The following ECT2L variants were observed in gnomAD, a reference collection of about 807,000 sequenced individuals.
ECT2L encodes the protein epithelial cell transforming 2 like.
ECT2L carries 126 observed loss-of-function variants against 122.8 expected under a neutral mutation model. The observed-to-expected ratio is 1.03, with a 90% CI of 0.89 to 1.19. The LOEUF is 1.19. Ranked by LOEUF, ECT2L falls within the 50% of genes most tolerant of loss-of-function variation. The probability of loss-of-function intolerance (pLI) is 0.00; values close to 1 mark genes in which losing one functional copy is unlikely to be tolerated. For missense variants in ECT2L, 1,012 were observed against 1,064.1 expected (o/e 0.95, Z 0.68); for synonymous variants, 385 against 381.8 (o/e 1.01, Z -0.10).
At chr6:138,899,232 C>T (rs1489104894) in intron 20 of ECT2L, among the ~76,000 whole-genome samples, 2 of 151,870 alleles carry the variant, frequency 1.3e-5, no homozygotes, top group Non-Finnish European at 2.9e-5. Flanking sequence ...AAATGTCCAT[C>T]AAAGGAGAAC....
intron 20 of ECT2L, among the ~76,000 whole-genome samples, chr6:138,893,457 T>C (rs112148606): frequency 2.0e-5 from 3 of 152,126 alleles, no homozygotes; most frequent in African/African-American, 7.2e-5. Flanking sequence ...GTCTCACTCT[T>C]TCACCCAGAC....
At chr6:138,816,183 G>A (rs145223034) in intron 4 of ECT2L, among the ~76,000 whole-genome samples, 1 of 152,300 alleles carries the variant, frequency 6.6e-6, no homozygotes, top group Non-Finnish European at 1.5e-5. Flanking sequence ...ACCACTTTGT[G>A]CATCATGTTC....
At chr6:138,902,224 T>C (rs1184009220) in intron 21 of ECT2L, among the ~76,000 whole-genome samples, 2 of 152,240 alleles carry the variant, frequency 1.3e-5, no homozygotes, top group Non-Finnish European at 2.9e-5. Context: ...CAGTTCCTTC[T>C]GGAGTGATTG....
In ECT2L at chr6:138,838,507, C is replaced by G. The variant is rs777922360; in HGVS notation, c.335C>G (p.Thr112Ser). 8.7e-6 allele frequency: 14 copies of G among 1,611,578 alleles called. No individual in the cohort carries two copies. The Admixed American group carries it at 2.4e-4, about 27-fold the overall frequency. Residue 112 changes from threonine (T) to serine (S), a missense_variant, in exon 5 of 22, where the codon ACT (threonine) becomes AGT (serine). By Grantham distance (58) the Thr-to-Ser change is moderately conservative. Coordinates refer to ENST00000541398, the MANE Select transcript of ECT2L (RefSeq NM_001077706.3). ...GTCAGCTGGCCCTGGAAGTTTTTAACTGAACAGGTTTACTATTTGCCACTT... is the reference window on the plus strand; with the variant it reads ...GTCAGCTGGCCCTGGAAGTTTTTAAGTGAACAGGTTTACTATTTGCCACTT... ...AQVSWPWKFL[T>S]EQDCLWMPKC...
intron 15 of ECT2L, 31 bp downstream of exon 15, chr6:138,881,202 T>C (rs760430673): frequency 1.9e-6 from 3 of 1,588,598 alleles, no homozygotes; most frequent in Non-Finnish European, 2.6e-6. Context: ...TTTTTTAATA[T>C]TCATTGTGCA....
chr6:138,864,446 C>T (rs998593172), intron 11 of ECT2L, among the ~76,000 whole-genome samples: 6 of 152,274 alleles, frequency 3.9e-5, no homozygotes, highest in African/African-American at 9.6e-5. Context: ...CTGCATCATC[C>T]AGTAATTGTT....
intron 4 of ECT2L, among the ~76,000 whole-genome samples, chr6:138,829,785 C>T (rs1292406621): frequency 6.6e-6 from 1 of 151,720 alleles, no homozygotes; most frequent in Non-Finnish European, 1.5e-5. Flanking sequence ...TGCAGTGGCA[C>T]GATCTCAGTT....
intron 9 of ECT2L, among the ~76,000 whole-genome samples, chr6:138,853,055 C>T (rs1009921928): frequency 6.6e-6 from 1 of 152,158 alleles, no homozygotes; most frequent in African/African-American, 2.4e-5. Context: ...GCAACCTCCA[C>T]CTCCTGGGTT....
chr6:138,885,456 A>C (rs750729049), intron 16 of ECT2L, 50 bp from the exon 17 acceptor site: 1 of 1,576,334 alleles, frequency 6.3e-7, no homozygotes, highest in Non-Finnish European at 8.7e-7. Context: ...GGAACAGTGG[A>C]CTTTACAACT....
chr6:138,833,295 C>T (rs1776713049), intron 4 of ECT2L, among the ~76,000 whole-genome samples: 1 of 152,212 alleles, frequency 6.6e-6, no homozygotes, highest in African/African-American at 2.4e-5. Flanking sequence ...TATGCCATAA[C>T]TTATCTCAGA....
At position 138,801,741 on chromosome 6, in the gene ECT2L, C is replaced by T. The variant is rs563643547; in HGVS notation, c.-244+5549C>T. Reference sequence around the variant, plus strand: ...CTGCACTCCAGTCTGGGTGACAGAGCGAGACTCTGTCTCAAAAAAGAAAAA... The same window carrying T: ...CTGCACTCCAGTCTGGGTGACAGAGTGAGACTCTGTCTCAAAAAAGAAAAA... On this transcript the variant is annotated intron_variant, in intron 1 of 21. Coordinates refer to ENST00000541398, the MANE Select transcript of ECT2L (RefSeq NM_001077706.3). Among the ~76,000 whole-genome samples the T allele has an allele frequency of 9.9e-5, 15 of 151,582 alleles. No homozygotes were observed. The South Asian group carries it at 2.7e-3, about 27-fold the overall frequency.
chr6:138,884,427 C>G (rs570110724), intron 16 of ECT2L, among the ~76,000 whole-genome samples: 1 of 152,174 alleles, frequency 6.6e-6, no homozygotes, highest in African/African-American at 2.4e-5. Context: ...CATCTGAGGT[C>G]AGGAGTTCGA....
intron 20 of ECT2L, among the ~76,000 whole-genome samples, chr6:138,891,223 T>C (rs1001651294): frequency 1.3e-5 from 2 of 152,208 alleles, no homozygotes; most frequent in Non-Finnish European, 2.9e-5. Flanking sequence ...TAGTATCACA[T>C]GGCAGATAGC....
rs532479124 is a variant in ECT2L at position 138,799,394 on chromosome 6, C to T, written c.-244+3202C>T. On this transcript the variant is annotated intron_variant, in intron 1 of 21. Coordinates refer to ENST00000541398, the MANE Select transcript of ECT2L (RefSeq NM_001077706.3). Reference sequence around the variant, plus strand: ...TCAGCCTCCGGAGTAGCTGGGACTACAGGCACCCGCCACCACGCCCGGCTT... The same window carrying T: ...TCAGCCTCCGGAGTAGCTGGGACTATAGGCACCCGCCACCACGCCCGGCTT... Among the ~76,000 whole-genome samples, 32 of 152,116 alleles carry T rather than the reference C, an allele frequency of 2.1e-4. No individual in the cohort carries two copies. The South Asian group carries it at 6.0e-3, about 29-fold the overall frequency.
Position 138,811,877 on chromosome 6 carries a change from C to T in ECT2L, c.-243-961C>T, listed in dbSNP as rs554567608. 4.9e-4 allele frequency among the ~76,000 whole-genome samples: 75 copies of T among 152,016 alleles called. 1 individual carries two copies. The highest frequency in any genetic ancestry group is 2.3e-3 in the South Asian group (11 of 4,804). ...CCAATTTTTGTATTTTTAGTAGAGA[C>T]GGGGTTTCATCATGTTGGCCAGGCT... On this transcript the variant is annotated intron_variant, in intron 1 of 21. Coordinates refer to ENST00000541398, the MANE Select transcript of ECT2L (RefSeq NM_001077706.3).
chr6:138,847,537 ATTTTTTT>A (rs777070599), intron 8 of ECT2L, among the ~76,000 whole-genome samples: 15 of 123,808 alleles, frequency 1.2e-4, no homozygotes, highest in African/African-American at 3.0e-4. Context: ...TGCCCGGCTA[ATTTTTTT>A]TTTTTTTTTT....
At chr6:138,878,316 C>T (rs1372200456) in intron 14 of ECT2L, among the ~76,000 whole-genome samples, 3 of 152,096 alleles carry the variant, frequency 2.0e-5, no homozygotes, top group African/African-American at 4.8e-5. Flanking sequence ...TACACACACA[C>T]ACACACACAC....
At chr6:138,897,183 T>C (rs1779244479) in intron 20 of ECT2L, among the ~76,000 whole-genome samples, 1 of 152,184 alleles carries the variant, frequency 6.6e-6, no homozygotes, top group Non-Finnish European at 1.5e-5. Context: ...TTGGAGTTGG[T>C]TCTGAGTGTG....
intron 4 of ECT2L, among the ~76,000 whole-genome samples, chr6:138,824,581 C>CA (rs1491037699): frequency 7.7e-5 from 9 of 116,750 alleles, no homozygotes; most frequent in South Asian, 3.2e-4. Context: ...AAAACAAAAA[C>CA]AAAAAAAACA....
Sources: allele counts gnomAD v4.1 joint callset (sites outside exome capture counted in the v4.1 genomes callset), GRCh38; gene constraint gnomAD v4.1.1; transcripts MANE v1.5; gene names NCBI Gene and HGNC (gene_info 2026-07-23, HGNC 2026-07-21).